Variants in NDUFS1 observed in about 807,000 individuals in gnomAD.
The protein encoded by NDUFS1 is NADH:ubiquinone oxidoreductase core subunit S1, also known as NADH-ubiquinone oxidoreductase 75 kDa subunit, mitochondrial.
NDUFS1 carries 61 observed loss-of-function variants against 84.4 expected under a neutral mutation model. That is an observed-to-expected ratio of 0.72 (90% CI 0.59 to 0.89). The LOEUF (loss-of-function observed/expected upper bound fraction) is 0.89, where lower values mean the gene tolerates loss of function less well. Ranked by LOEUF, NDUFS1 falls within the 40% of genes least tolerant of loss-of-function variation. The pLI is 0.00. For missense variants in NDUFS1, 891 were observed against 890.0 expected, an observed-to-expected ratio of 1.00 and a Z score of -0.01; for synonymous variants, 275 against 290.0, an observed-to-expected ratio of 0.95 and a Z score of 0.53.
At chr2:206,156,129 G>A (rs1380689994) in intron 1 of NDUFS1, among the ~76,000 whole-genome samples, 8 of 151,934 alleles carry the variant, frequency 5.3e-5, no homozygotes, top group African/African-American at 9.6e-5. Flanking sequence ...CGGGCGTGGT[G>A]GCAGGCGCCT....
rs1044228742 is a variant in NDUFS1, at chr2:206,121,491, C to T, written c.*2694G>A. The T allele has an allele frequency of 6.6e-6, 1 of 152,190 alleles. No individual in the cohort carries two copies. Among genetic ancestry groups the T allele is most frequent in the Non-Finnish European group, 1.5e-5 (1 of 68,074 alleles). 9.4% of individuals were successfully genotyped at this position (152,190 alleles called of 1,614,324 possible). A position where few individuals can be genotyped will look rare whatever the true frequency, so the allele number is the denominator to read the frequency against. Reference sequence around the variant, plus strand: ...TGAGAGGGAGGCTTGTTTCTTCACCCAGGCTGCAGTGCAATGGTGTGATCT... The same window carrying T: ...TGAGAGGGAGGCTTGTTTCTTCACCTAGGCTGCAGTGCAATGGTGTGATCT... On this transcript the variant is annotated 3_prime_UTR_variant, in exon 19 of 19. Transcript: ENST00000233190.
chr2:206,151,947 C>G (rs1025865181), intron 3 of NDUFS1, among the ~76,000 whole-genome samples: 17 of 152,236 alleles, frequency 1.1e-4, no homozygotes, highest in Admixed American at 9.8e-4. Flanking sequence ...CTCACTGCAA[C>G]CTCCGCCTCC....
chr2:206,129,593 C>CT (rs746414966), intron 15 of NDUFS1, among the ~76,000 whole-genome samples: 13,156 of 142,260 alleles, frequency 0.092, 735 homozygotes, highest in Admixed American at 0.19. Context: ...TTTGGTTTAA[C>CT]TTTTTTTTTT....
rs1392129134 is a variant in NDUFS1, at chr2:206,117,242, GAAAC to G, written c.*6939_*6942del. On this transcript the variant is annotated 3_prime_UTR_variant, in exon 19 of 19. Transcript: ENST00000233190. ...TCTGTGATATTCTGTTTTAACAGCA[GAAAC>G]AAAGACAACTAGACATGCCCACTGT... The G allele has an allele frequency of 1.3e-5, 2 of 152,150 alleles. No homozygotes were observed. The highest frequency in any genetic ancestry group is 4.8e-5 in the African/African-American group (2 of 41,442). The allele number at this position is 152,150 out of a possible 1,614,324, so 9.4% of individuals were successfully genotyped here.
At chr2:206,129,675 T>C (rs1437248616) in intron 15 of NDUFS1, among the ~76,000 whole-genome samples, 3 of 151,576 alleles carry the variant, frequency 2.0e-5, no homozygotes, top group African/African-American at 7.3e-5. Flanking sequence ...CACTGCAACC[T>C]CTGCCTCCCA....
chr2:206,121,562 C>A lies in NDUFS1; in HGVS notation c.*2623G>T, dbSNP rs1320286688. 6.6e-6 allele frequency: 1 copy of A among 152,096 alleles called. No individual in the cohort carries two copies. Among genetic ancestry groups the A allele is most frequent in the East Asian group, 1.9e-4 (1 of 5,186 alleles). 9.4% of individuals were successfully genotyped at this position (152,096 alleles called of 1,614,324 possible). On this transcript the variant is annotated 3_prime_UTR_variant, in exon 19 of 19. Coordinates refer to ENST00000233190, the MANE Select transcript of NDUFS1 (RefSeq NM_005006.7). The stretch of plus-strand genomic sequence containing the variant: ...CTTGACTCTCAGTTCAAGCGATTTT[C>A]CTGCTTCAGCCTCCCCAGTAGCTGG...
intron 5 of NDUFS1, 47 bp from the exon 6 acceptor site, chr2:206,147,881 A>G (rs1256626181): frequency 1.4e-6 from 2 of 1,478,744 alleles, no homozygotes; most frequent in Non-Finnish European, 1.9e-6. Context: ...ATACACACAC[A>G]CTGACATTAA....
chr2:206,140,666 GAT>G (rs1691903513), intron 12 of NDUFS1, among the ~76,000 whole-genome samples: 1 of 151,746 alleles, frequency 6.6e-6, no homozygotes. Flanking sequence ...TTTTAGTAGA[GAT>G]GGGTTTCTCC....
chr2:206,148,004 T>C (rs1692225942), intron 5 of NDUFS1, among the ~76,000 whole-genome samples, 170 bp from the exon 6 acceptor site: 1 of 152,074 alleles, frequency 6.6e-6, no homozygotes. Flanking sequence ...TGCAGCCTCC[T>C]GCCTCCACCT....
chr2:206,129,971 G>T, intron 15 of NDUFS1, 117 bp downstream of exon 15: 2 of 1,199,652 alleles, frequency 1.7e-6, no homozygotes, highest in Non-Finnish European at 2.4e-6. Flanking sequence ...AGGAGGAGTG[G>T]GGGAGGCAAA....
At position 206,138,054 on chromosome 2, in the gene NDUFS1, G is replaced by A. The variant is rs199807817; in HGVS notation, c.1392+431C>T. ...TTGGGGTGGTGGAATTTTAGGTAAT[G>A]TTTTACTTTCTTCCTCATGTTCTTT... On this transcript the variant is annotated intron_variant, in intron 13 of 18. Coordinates refer to ENST00000233190, the MANE Select transcript of NDUFS1 (RefSeq NM_005006.7). 5.6e-4 allele frequency among the ~76,000 whole-genome samples: 85 copies of A among 152,192 alleles called. 1 individual carries two copies. The East Asian group carries it at 0.015, about 28-fold the overall frequency.
intron 1 of NDUFS1, among the ~76,000 whole-genome samples, chr2:206,153,898 C>T (rs776264360): frequency 1.3e-5 from 2 of 152,120 alleles, no homozygotes; most frequent in Non-Finnish European, 2.9e-5. Flanking sequence ...CTATTGTATA[C>T]ATTTGGACTT....
chr2:206,135,050 A>C (rs1430710517), intron 13 of NDUFS1, among the ~76,000 whole-genome samples: 3 of 151,188 alleles, frequency 2.0e-5, no homozygotes, highest in Non-Finnish European at 4.4e-5. Context: ...ACAGGGTCTT[A>C]CTCTGTTGCC....
rs1428711363 is a variant in NDUFS1 at position 206,126,562 on chromosome 2, G to T, written c.2069C>A (p.Thr690Asn). ...ACCTGTCATGTAGAAGTCTTTTATAGTTAGCTGAGGTGGAACAAGTGGGTC... is the reference window on the plus strand; with the variant it reads ...ACCTGTCATGTAGAAGTCTTTTATATTTAGCTGAGGTGGAACAAGTGGGTC... ...LADPLVPPQL[T>N]IKDFYMTDSI... The change falls in exon 18 of 19, where the codon ACT (threonine) becomes AAT (asparagine). Residue 690 changes from threonine (T) to asparagine (N), a missense_variant. Transcript: ENST00000233190. 17 of 1,613,984 alleles carry T rather than the reference G, an allele frequency of 1.1e-5. No individual in the cohort carries two copies. Among genetic ancestry groups the T allele is most frequent in the Non-Finnish European group, 1.4e-5 (16 of 1,180,022 alleles).
Position 206,124,163 on chromosome 2 carries a change from A to G in NDUFS1, c.*22T>C, listed in dbSNP as rs755475570. The G allele has an allele frequency of 2.6e-6, 4 of 1,530,544 alleles. No individual in the cohort carries two copies. The highest frequency in any genetic ancestry group is 3.6e-6 in the Non-Finnish European group (4 of 1,104,162). The allele number at this position is 1,530,544 out of a possible 1,614,324, so 94.8% of individuals were successfully genotyped here. Reference sequence around the variant, plus strand: ...GTTGTCCATTAATTATCTGCGGCAAAACTGGGATCCTAGTAGAAGCTTCAG... The same window carrying G: ...GTTGTCCATTAATTATCTGCGGCAAGACTGGGATCCTAGTAGAAGCTTCAG... On this transcript the variant is annotated 3_prime_UTR_variant, in exon 19 of 19. Transcript: ENST00000233190.
At chr2:206,141,716 C>T (rs1691966922) in intron 12 of NDUFS1, among the ~76,000 whole-genome samples, 1 of 149,314 alleles carries the variant, frequency 6.7e-6, no homozygotes, top group African/African-American at 2.5e-5. Context: ...CATGGTGAAA[C>T]CCCATCTCGA....
In NDUFS1 at chr2:206,145,009, T is replaced by C. The variant is rs199422224; in HGVS notation, c.755A>G (p.Asp252Gly). The C allele has an allele frequency of 7.4e-6, 12 of 1,613,714 alleles. No homozygotes were observed. Among genetic ancestry groups the C allele is most frequent in the Admixed American group, 1.7e-5 (1 of 59,988 alleles). ...ATTACTTCCAACCGCATCCATTACA[T>C]CAATGGATTCTGTCTTTCTGAGAAA... Reference protein sequence around the residue: ...PWETRKTESIDVMDAVGSNIV... With the variant: ...PWETRKTESIGVMDAVGSNIV... The change falls in exon 9 of 19, where the codon GAT (aspartate) becomes GGT (glycine). Residue 252 changes from aspartate (D) to glycine (G), a missense_variant. Physicochemically the swap from Asp to Gly is moderately conservative, Grantham distance 94. Transcript: ENST00000233190.
intron 2 of NDUFS1, among the ~76,000 whole-genome samples, chr2:206,152,975 A>G (rs901115715): frequency 6.6e-6 from 1 of 152,116 alleles, no homozygotes; most frequent in Non-Finnish European, 1.5e-5. Context: ...AAGTGCTGAG[A>G]TTACAGGAGT....
chr2:206,153,066 G>C (rs906607751), intron 2 of NDUFS1, among the ~76,000 whole-genome samples: 4 of 152,232 alleles, frequency 2.6e-5, no homozygotes, highest in African/African-American at 9.6e-5. Context: ...TTCAAAAACA[G>C]AATGTGATTT....
Sources: gnomAD v4.1 joint callset for allele counts (sites outside exome capture counted in the v4.1 genomes callset) on GRCh38, gnomAD v4.1.1 for gene constraint, MANE v1.5 for transcripts, NCBI Gene and HGNC (gene_info 2026-07-23, HGNC 2026-07-21) for gene names.